Variants in ABCA1 observed in about 807,000 individuals in gnomAD.
ABCA1 encodes ATP binding cassette subfamily A member 1, also known as phospholipid-transporting ATPase ABCA1.
In ABCA1, 133 loss-of-function variants were observed where a neutral mutation model predicts 262.5. That is an observed-to-expected ratio of 0.51 (90% CI 0.44 to 0.59). The LOEUF (loss-of-function observed/expected upper bound fraction) is 0.59. Ranked by LOEUF, ABCA1 falls within the 20% of genes least tolerant of loss-of-function variation. ABCA1 has a pLI of 0.00. For missense variants in ABCA1, 2,452 were observed against 2,777.5 expected (o/e 0.88, Z 2.63); for synonymous variants, 1,022 against 1,043.5 (o/e 0.98, Z 0.40).
intron 5 of ABCA1, among the ~76,000 whole-genome samples, chr9:104,871,873 G>A (rs1837640597): frequency 6.6e-6 from 1 of 152,062 alleles, no homozygotes; most frequent in East Asian, 1.9e-4. Context: ...CTGAAAAAAG[G>A]GACCAGACAC....
At chr9:104,807,475 C>T (rs1031507081) in intron 30 of ABCA1, among the ~76,000 whole-genome samples, 1 of 152,116 alleles carries the variant, frequency 6.6e-6, no homozygotes, top group African/African-American at 2.4e-5. Context: ...TTTCAGAATT[C>T]CACAATTTAA....
chr9:104,860,956 A>T (rs1836325338), intron 6 of ABCA1, among the ~76,000 whole-genome samples: 1 of 151,994 alleles, frequency 6.6e-6, no homozygotes, highest in Admixed American at 6.6e-5. Context: ...AGGCTTTGCC[A>T]TGTTGGCCAG....
chr9:104,881,304 A>G (rs1343333067), intron 5 of ABCA1, among the ~76,000 whole-genome samples: 1 of 152,248 alleles, frequency 6.6e-6, no homozygotes, highest in African/African-American at 2.4e-5. Flanking sequence ...CCAGGTGCTC[A>G]GAAATGCATC....
Position 104,829,051 on chromosome 9 carries a change from C to T in ABCA1, c.1980G>A (p.Val660=), listed in dbSNP as rs1338481802. ...YSVAVIIKGI[V]YEKEARLKET... The stretch of plus-strand genomic sequence containing the variant: ...CTTTCAGCCGTGCCTCCTTCTCATA[C>T]ACGATGCCCTTGATGATCACAGCCA... The change falls in exon 15 of 50, where the codon GTG becomes GTA. Residue 660 remains valine (V), a synonymous_variant. Coordinates refer to ENST00000374736, the MANE Select transcript of ABCA1 (RefSeq NM_005502.4). 3.1e-6 allele frequency: 5 copies of T among 1,614,114 alleles called. No individual in the cohort carries two copies. The highest frequency in any genetic ancestry group is 1.3e-5 in the African/African-American group (1 of 74,938).
In ABCA1 at chr9:104,917,673, G is replaced by A. The variant is rs191952924; in HGVS notation, c.-93+10262C>T. The stretch of plus-strand genomic sequence containing the variant: ...GGAGGCTGAGGCAGGAGAATCGCTT[G>A]AACCCAGGAGGAAGAGGTTGCAGTG... On this transcript the variant is annotated intron_variant, in intron 1 of 49. Transcript: ENST00000374736. Among the ~76,000 whole-genome samples, 241 of 152,224 alleles carry A rather than the reference G, an allele frequency of 1.6e-3. 2 individuals carry two copies. The Middle Eastern group carries it at 0.017, about 11-fold the overall frequency.
intron 7 of ABCA1, chr9:104,855,666 T>G: frequency 1.4e-6 from 2 of 1,477,834 alleles, no homozygotes; most frequent in Non-Finnish European, 1.8e-6. Context: ...GTCAAATATA[T>G]TATGTGTATG....
Position 104,826,958 on chromosome 9 carries a change from T to C in ABCA1, c.2327A>G (p.Lys776Arg). The part of the protein sequence containing the change: ...AWQDYVGFTL[K>R]IFASLLSPVA... ...GCCAGAGGTACTCACAGCGAAGATC[T>C]TGAGTGTGAAGCCCACGTAGTCCTG... Residue 776 changes from lysine to arginine, a missense_variant, in exon 16 of 50, where the codon AAG (lysine) becomes AGG (arginine). Transcript: ENST00000374736. 1 of 1,613,886 alleles carries C rather than the reference T, an allele frequency of 6.2e-7. No homozygotes were observed. The highest frequency in any genetic ancestry group is 8.5e-7 in the Non-Finnish European group (1 of 1,180,008).
intron 7 of ABCA1, chr9:104,855,514 T>C: frequency 4.0e-6 from 3 of 749,850 alleles, no homozygotes; most frequent in Non-Finnish European, 5.9e-6. Flanking sequence ...TGAAAACTTC[T>C]ATCTTGACGC....
intron 14 of ABCA1, 30 bp from the exon 15 acceptor site, chr9:104,829,168 A>C (rs749146320): frequency 6.2e-7 from 1 of 1,612,404 alleles, no homozygotes; most frequent in Non-Finnish European, 8.5e-7. Context: ...ACAAGGGGAG[A>C]AAGAAAGACA....
chr9:104,922,460 T>A (rs1323547472), intron 1 of ABCA1, among the ~76,000 whole-genome samples: 1 of 152,188 alleles, frequency 6.6e-6, no homozygotes, highest in Non-Finnish European at 1.5e-5. Flanking sequence ...CTCCACTACT[T>A]ACGAACTCCA....
At position 104,820,016 on chromosome 9, in the gene ABCA1, T is replaced by C. The variant is rs1832170870; in HGVS notation, c.3014A>G (p.Glu1005Gly). 1 of 1,613,980 alleles carries C rather than the reference T, an allele frequency of 6.2e-7. No homozygotes were observed. The highest frequency in any genetic ancestry group is 1.1e-5 in the South Asian group (1 of 91,072). Residue 1005 changes from glutamate to glycine, a missense_variant, in exon 21 of 50, where the codon GAG becomes GGG. Transcript: ENST00000374736. ...CTCCATCTCCGCCTTCACGTGCTTC[T>C]CAGAGAGCCCTTTCAAGCGGGCATA... ...WFYARLKGLS[E>G]KHVKAEMEQM...
In ABCA1 at chr9:104,806,303, C is replaced by T. The variant is rs1830757611; in HGVS notation, c.4402G>A (p.Asp1468Asn). The T allele has an allele frequency of 5.0e-6, 8 of 1,613,956 alleles. No homozygotes were observed. Among genetic ancestry groups the T allele is most frequent in the East Asian group, 2.2e-5 (1 of 44,882 alleles). The change falls in exon 31 of 50, where the codon GAC becomes AAC. Residue 1468 changes from aspartate to asparagine, a missense_variant. Physicochemically the swap from Asp to Asn is conservative, Grantham distance 23 (BLOSUM62 1). Coordinates refer to ENST00000374736, the MANE Select transcript of ABCA1 (RefSeq NM_005502.4). ...ACAGGCAGCATCTTCTTGATTTTGT[C>T]GCTGCTACACTGGCATGCAGGTGAA... ...NPSPACQCSSDKIKKMLPVCP... is the reference protein window; with the variant it reads ...NPSPACQCSSNKIKKMLPVCP...
At chr9:104,869,136 C>A (rs572161401) in intron 5 of ABCA1, among the ~76,000 whole-genome samples, 1 of 152,188 alleles carries the variant, frequency 6.6e-6, no homozygotes, top group East Asian at 1.9e-4. Context: ...CGGTCAGTGC[C>A]CTCCAGTCCC....
At chr9:104,908,725 A>ATT (rs1841320966) in intron 1 of ABCA1, among the ~76,000 whole-genome samples, 1 of 152,254 alleles carries the variant, frequency 6.6e-6, no homozygotes, top group African/African-American at 2.4e-5. Flanking sequence ...AGCTACTGTT[A>ATT]CATGCGACAA....
At chr9:104,802,672 A>C (rs548398614) in intron 33 of ABCA1, among the ~76,000 whole-genome samples, 1 of 152,354 alleles carries the variant, frequency 6.6e-6, no homozygotes, top group East Asian at 1.9e-4. Flanking sequence ...ATCAGTAACA[A>C]GGAGCCTTCG....
chr9:104,789,528 C>A (rs553239085), intron 44 of ABCA1, among the ~76,000 whole-genome samples: 6 of 152,162 alleles, frequency 3.9e-5, no homozygotes, highest in Non-Finnish European at 5.9e-5. Context: ...CCAGTGTGTT[C>A]AAATTGTGAG....
chr9:104,838,040 T>C (rs1012567045), intron 9 of ABCA1, among the ~76,000 whole-genome samples: 15 of 152,042 alleles, frequency 9.9e-5, no homozygotes, highest in African/African-American at 3.6e-4. Flanking sequence ...AAACCAAAAT[T>C]TGGGGCTGGG....
chr9:104,804,403 A>G (rs528087349), intron 32 of ABCA1, among the ~76,000 whole-genome samples: 1 of 152,166 alleles, frequency 6.6e-6, no homozygotes, highest in Non-Finnish European at 1.5e-5. Context: ...ATCCATTTCT[A>G]TTTTCATTCT....
intron 35 of ABCA1, 114 bp from the exon 36 acceptor site, chr9:104,800,102 C>G: frequency 9.1e-7 from 1 of 1,094,348 alleles, no homozygotes; most frequent in Non-Finnish European, 1.4e-6. Flanking sequence ...AGTCACATAC[C>G]AAGGCAAAAC....
Sources: allele counts gnomAD v4.1 joint callset (sites outside exome capture counted in the v4.1 genomes callset), GRCh38; gene constraint gnomAD v4.1.1; transcripts MANE v1.5; gene names NCBI Gene and HGNC (gene_info 2026-07-23, HGNC 2026-07-21).